Variants in NFIB observed in about 807,000 individuals in gnomAD.
NFIB encodes nuclear factor I B, also known as nuclear factor 1 B-type.
In NFIB, 11 loss-of-function variants were observed where a neutral mutation model predicts 61.5. The ratio of observed to expected loss-of-function variants is 0.18; its 90% CI spans 0.11 to 0.30. The LOEUF (loss-of-function observed/expected upper bound fraction) is 0.30, where lower values mean the gene tolerates loss of function less well. Among genes scored for constraint, NFIB ranks in the 10% least tolerant of loss-of-function variants. The pLI is 1.00. For missense variants in NFIB, 471 were observed against 608.9 expected (o/e 0.77, Z 2.38); for synonymous variants, 260 against 216.5 (o/e 1.20, Z -1.76).
the NFIB span, among the ~76,000 whole-genome samples, chr9:14,490,595 C>A: frequency 2.0e-5 from 3 of 151,862 alleles, no homozygotes; most frequent in Non-Finnish European, 4.4e-5. Context: ...AACAGTTCCA[C>A]AACTCAATAA....
the NFIB span, among the ~76,000 whole-genome samples, chr9:14,459,841 T>C: frequency 1.3e-5 from 2 of 150,992 alleles, no homozygotes; most frequent in East Asian, 2.0e-4. Context: ...CCAGTTAGAA[T>C]GGCGATCATT....
intron 2 of NFIB, among the ~76,000 whole-genome samples, chr9:14,299,643 G>C (rs185727468): frequency 2.9e-4 from 44 of 152,108 alleles, no homozygotes; most frequent in African/African-American, 1.0e-3. Flanking sequence ...CAACCTCCAG[G>C]CAACTTTTGA....
intron 2 of NFIB, among the ~76,000 whole-genome samples, chr9:14,301,448 G>A (rs772720502): frequency 3.9e-5 from 6 of 152,130 alleles, no homozygotes; most frequent in Non-Finnish European, 7.4e-5. Context: ...GTGGGGGGAA[G>A]GATGCCTAAT....
the NFIB span, among the ~76,000 whole-genome samples, chr9:14,453,640 T>C: frequency 6.6e-6 from 1 of 152,190 alleles, no homozygotes; most frequent in Non-Finnish European, 1.5e-5. Context: ...TCATTGAGAG[T>C]AATATTGTCT....
chr9:14,344,277 G>A (rs545465684), intron 1 of NFIB, among the ~76,000 whole-genome samples: 13 of 152,100 alleles, frequency 8.5e-5, no homozygotes, highest in African/African-American at 3.1e-4. Flanking sequence ...GCCGAGAGAG[G>A]GGGGTGATGG....
At chr9:14,390,326 C>T (rs1342311473) in intron 1 of NFIB, among the ~76,000 whole-genome samples, 4 of 152,118 alleles carry the variant, frequency 2.6e-5, no homozygotes, top group African/African-American at 9.7e-5. Context: ...AAAATACTTC[C>T]ATACCTGATG....
chr9:14,236,135 T>C (rs10961441), intron 2 of NFIB, among the ~76,000 whole-genome samples: 42,575 of 152,034 alleles, frequency 0.28, 7,190 homozygotes, highest in Middle Eastern at 0.45. Context: ...AACAAAGACA[T>C]GTGTACGCAT....
Position 14,296,808 on chromosome 9 carries a change from C to CA in NFIB, c.562+10180dup, listed in dbSNP as rs371610793. Among the ~76,000 whole-genome samples, 127 of 152,252 alleles carry CA rather than the reference C, an allele frequency of 8.3e-4. 1 individual carries two copies. The highest frequency in any genetic ancestry group is 1.5e-3 in the Non-Finnish European group (101 of 68,012). ...GAACTAAGACATTTTCTGTGCTCTA[C>CA]AAAAATGGAAAAGGCAGAAGGGGGA... On this transcript the variant is annotated intron_variant, in intron 2 of 10. Coordinates refer to ENST00000380953, the MANE Select transcript of NFIB (RefSeq NM_001190737.2).
chr9:14,353,208 A>G (rs1053258726), intron 1 of NFIB, among the ~76,000 whole-genome samples: 3 of 152,158 alleles, frequency 2.0e-5, no homozygotes, highest in African/African-American at 7.2e-5. Flanking sequence ...GGTGAGGGAT[A>G]GGTCCAGGCC....
At chr9:14,421,967 A>C in the NFIB span, among the ~76,000 whole-genome samples, 1 of 152,060 alleles carries the variant, frequency 6.6e-6, no homozygotes, top group Non-Finnish European at 1.5e-5. Context: ...TCTACCTAGC[A>C]CTTCATTTTA....
intron 2 of NFIB, among the ~76,000 whole-genome samples, chr9:14,280,229 AC>A (rs2058278921): frequency 6.6e-6 from 1 of 152,086 alleles, no homozygotes; most frequent in Non-Finnish European, 1.5e-5. Context: ...GGCTGATTCC[AC>A]CACTTGCTAG....
At chr9:14,522,960 C>T in the NFIB span, among the ~76,000 whole-genome samples, 1 of 152,098 alleles carries the variant, frequency 6.6e-6, no homozygotes. Flanking sequence ...AATAATAATC[C>T]ACAATCAAAT....
At chr9:14,460,232 G>A in the NFIB span, among the ~76,000 whole-genome samples, 6 of 152,116 alleles carry the variant, frequency 3.9e-5, no homozygotes, top group Admixed American at 3.9e-4. Flanking sequence ...CATGGATGAA[G>A]CTGGAAACCA....
chr9:14,380,754 A>G (rs1219029208), intron 1 of NFIB, among the ~76,000 whole-genome samples: 1 of 152,070 alleles, frequency 6.6e-6, no homozygotes, highest in South Asian at 2.1e-4. Context: ...CATCCACACA[A>G]TCACTCTGCA....
the NFIB span, among the ~76,000 whole-genome samples, chr9:14,503,818 T>C: frequency 6.6e-6 from 1 of 152,218 alleles, no homozygotes; most frequent in Non-Finnish European, 1.5e-5. Flanking sequence ...AGAAGCTATT[T>C]AGTTTAATTA....
the NFIB span, among the ~76,000 whole-genome samples, chr9:14,452,421 A>AAGGAAGGG: frequency 2.6e-4 from 25 of 95,080 alleles, 2 homozygotes; most frequent in Admixed American, 1.1e-3. Flanking sequence ...GGAAGGAAGG[A>AAGGAAGGG]AGGGAGGGAG....
the NFIB span, among the ~76,000 whole-genome samples, chr9:14,445,777 A>C: frequency 9.2e-5 from 14 of 152,258 alleles, no homozygotes; most frequent in South Asian, 2.9e-3. Flanking sequence ...TTAACCTGAC[A>C]CTATTTATTG....
Position 14,084,019 on chromosome 9 carries a change from C to CTAT in NFIB, c.*4289_*4290insATA, listed in dbSNP as rs1481142741. ...GCTCTGGAAACCAACTTTTCCAATA[C>CTAT]TAAATACAACAAAATAACCTTCATA... On this transcript the variant is annotated 3_prime_UTR_variant, in exon 11 of 11. Transcript: ENST00000380953. 1 of 215,512 alleles carries CTAT rather than the reference C, an allele frequency of 4.6e-6. No individual in the cohort carries two copies. The highest frequency in any genetic ancestry group is 9.4e-6 in the Non-Finnish European group (1 of 106,716). The allele number at this position is 215,512 out of a possible 1,614,324, so 13.3% of individuals were successfully genotyped here.
intron 10 of NFIB, among the ~76,000 whole-genome samples, chr9:14,111,920 G>C (rs976221480): frequency 2.6e-5 from 4 of 152,100 alleles, no homozygotes; most frequent in African/African-American, 9.7e-5. Flanking sequence ...GCCCCCTTGG[G>C]CTGCAACTGG....
Sources: allele counts gnomAD v4.1 joint callset (sites outside exome capture counted in the v4.1 genomes callset), GRCh38; gene constraint gnomAD v4.1.1; transcripts MANE v1.5; gene names NCBI Gene and HGNC (gene_info 2026-07-23, HGNC 2026-07-21).